SMYD3: variants seen among roughly 807,000 people sequenced by gnomAD.
The protein encoded by SMYD3 is histone-lysine N-methyltransferase SMYD3.
SMYD3 carries 36 observed loss-of-function variants against 57.7 expected under a neutral mutation model. That is an observed-to-expected ratio of 0.62 (90% CI 0.48 to 0.82). The LOEUF is 0.82. Ranked by LOEUF, SMYD3 falls within the 40% of genes least tolerant of loss-of-function variation. SMYD3 has a pLI of 0.00. For missense variants in SMYD3, 515 were observed against 538.8 expected (o/e 0.96, Z 0.44); for synonymous variants, 211 against 195.0 (o/e 1.08, Z -0.68).
At chr1:245,849,977 GA>G (rs2148449926) in intron 10 of SMYD3, among the ~76,000 whole-genome samples, 2 of 135,166 alleles carry the variant, frequency 1.5e-5, no homozygotes, top group East Asian at 4.1e-4. Context: ...ATGACAGAGA[GA>G]AAAGGTATGG....
chr1:245,964,253 G>GTCCACCCCCATGATCCAAA (rs924438022), intron 5 of SMYD3, among the ~76,000 whole-genome samples: 1 of 152,110 alleles, frequency 6.6e-6, no homozygotes, highest in African/African-American at 2.4e-5. Context: ...TGCATGAGGG[G>GTCCACCCCCATGATCCAAA]TCCACCCCCA....
At chr1:246,228,121 T>C (rs909705582) in intron 5 of SMYD3, among the ~76,000 whole-genome samples, 6 of 151,916 alleles carry the variant, frequency 3.9e-5, no homozygotes, top group Admixed American at 6.6e-5. Context: ...AGGCGCATGC[T>C]ACCATGACCG....
chr1:246,354,958 C>A (rs987439753), intron 2 of SMYD3, 73 bp downstream of exon 2: 2 of 1,353,338 alleles, frequency 1.5e-6, no homozygotes, highest in African/African-American at 1.4e-5. Flanking sequence ...CACAGGCCAA[C>A]AGGTATAGTG....
chr1:246,382,589 T>C (rs1487374345), intron 1 of SMYD3, among the ~76,000 whole-genome samples: 1 of 150,762 alleles, frequency 6.6e-6, no homozygotes, highest in African/African-American at 2.4e-5. Context: ...CAGACTCTAA[T>C]AGACCCAGGA....
At chr1:246,316,888 G>A (rs568418570) in intron 5 of SMYD3, among the ~76,000 whole-genome samples, 5 of 150,876 alleles carry the variant, frequency 3.3e-5, no homozygotes, top group Non-Finnish European at 4.4e-5. Flanking sequence ...CCAGATACTC[G>A]GGAGGCTGAG....
Position 246,428,778 on chromosome 1 carries a change from G to A in SMYD3, c.165-73684C>T, listed in dbSNP as rs1558460700. Among the ~76,000 whole-genome samples the A allele has an allele frequency of 2.6e-5, 4 of 151,766 alleles. No individual in the cohort carries two copies. In the South Asian group the frequency reaches 8.3e-4, roughly 32 times the overall value. ...ACCACAGCCCATGCTCTTAACTGCT[G>A]ATTCAAACCCATGCAATCTACACCA... On this transcript the variant is annotated intron_variant, in intron 1 of 11. Transcript: ENST00000490107.
chr1:245,793,433 A>G (rs1449412285), intron 10 of SMYD3, among the ~76,000 whole-genome samples: 3 of 152,172 alleles, frequency 2.0e-5, no homozygotes, highest in South Asian at 4.1e-4. Flanking sequence ...GCGGGGCAGG[A>G]ATGAAAACCG....
At chr1:246,324,169 C>T (rs2065297825) in intron 5 of SMYD3, among the ~76,000 whole-genome samples, 2 of 152,076 alleles carry the variant, frequency 1.3e-5, no homozygotes, top group African/African-American at 4.8e-5. Context: ...AATCCCAGCA[C>T]GTTGGGAGGC....
intron 1 of SMYD3, among the ~76,000 whole-genome samples, chr1:246,441,715 G>A (rs968089980): frequency 1.3e-5 from 2 of 152,144 alleles, no homozygotes; most frequent in Admixed American, 6.5e-5. Context: ...GGGTTCAAAC[G>A]GTTCTCCTGC....
chr1:245,924,541 T>C (rs1243019177), intron 7 of SMYD3, among the ~76,000 whole-genome samples: 1 of 152,152 alleles, frequency 6.6e-6, no homozygotes, highest in Non-Finnish European at 1.5e-5. Flanking sequence ...AGGTTTGAAA[T>C]GCTCCCATCT....
At chr1:246,088,239 CTT>C (rs1369102614) in intron 5 of SMYD3, among the ~76,000 whole-genome samples, 5 of 152,238 alleles carry the variant, frequency 3.3e-5, no homozygotes, top group South Asian at 2.1e-4. Context: ...CTCTCTCTCT[CTT>C]TCTCTCTCTC....
intron 5 of SMYD3, among the ~76,000 whole-genome samples, chr1:246,190,424 A>G (rs140947138): frequency 0.026 from 3,889 of 152,164 alleles, 213 homozygotes; most frequent in East Asian, 0.22. Flanking sequence ...GTCTCTACTA[A>G]GAATACAAAA....
rs115259236 is a variant in SMYD3, at chr1:246,137,762, G to A, written c.531+189439C>T. ...CAGGTGTTTCTCTGCAAGTCCCTGGGCGGAAGTAGCGGGTTATAGGATAAG... is the reference window on the plus strand; with the variant it reads ...CAGGTGTTTCTCTGCAAGTCCCTGGACGGAAGTAGCGGGTTATAGGATAAG... On this transcript the variant is annotated intron_variant, in intron 5 of 11. Coordinates refer to ENST00000490107, the MANE Select transcript of SMYD3 (RefSeq NM_001167740.2). Among the ~76,000 whole-genome samples the A allele has an allele frequency of 5.1e-3, 779 of 152,238 alleles. 7 individuals carry two copies. Among genetic ancestry groups the A allele is most frequent in the African/African-American group, 0.017 (720 of 41,542 alleles).
At chr1:246,493,150 A>C (rs1341947244) in intron 1 of SMYD3, among the ~76,000 whole-genome samples, 2 of 150,396 alleles carry the variant, frequency 1.3e-5, no homozygotes, top group East Asian at 3.9e-4. Context: ...ATATCTCAAT[A>C]AAGCTGTTAC....
At chr1:246,418,181 C>T (rs78783981) in intron 1 of SMYD3, among the ~76,000 whole-genome samples, 4,089 of 152,314 alleles carry the variant, frequency 0.027, 127 homozygotes, top group African/African-American at 0.077. Flanking sequence ...ATTATCTTCA[C>T]ACCTATACTC....
chr1:246,045,143 T>C (rs914897754), intron 5 of SMYD3, among the ~76,000 whole-genome samples: 2 of 152,164 alleles, frequency 1.3e-5, no homozygotes, highest in Non-Finnish European at 2.9e-5. Context: ...TTGAAGTTCA[T>C]ATGGAACCAA....
intron 5 of SMYD3, among the ~76,000 whole-genome samples, chr1:246,112,868 T>TA (rs1221375686): frequency 6.6e-6 from 1 of 152,172 alleles, no homozygotes; most frequent in Non-Finnish European, 1.5e-5. Context: ...ACCAAATTTT[T>TA]AGAGTTATTT....
At chr1:246,391,397 AG>A (rs1256338734) in intron 1 of SMYD3, among the ~76,000 whole-genome samples, 2 of 69,126 alleles carry the variant, frequency 2.9e-5, no homozygotes, top group Admixed American at 3.0e-4. Context: ...AGAGAGAAAG[AG>A]AGAGAGAGAA....
intron 5 of SMYD3, among the ~76,000 whole-genome samples, chr1:246,059,898 T>C (rs1354480690): frequency 2.0e-5 from 3 of 152,038 alleles, no homozygotes; most frequent in Admixed American, 1.3e-4. Flanking sequence ...AAAGTTAAAA[T>C]AGAGAAGACA....
Sources: gnomAD v4.1 joint callset for allele counts (sites outside exome capture counted in the v4.1 genomes callset) on GRCh38, gnomAD v4.1.1 for gene constraint, MANE v1.5 for transcripts, NCBI Gene and HGNC (gene_info 2026-07-23, HGNC 2026-07-21) for gene names.